The following FER variants were observed in gnomAD, a reference collection of about 807,000 sequenced individuals.
FER encodes tyrosine-protein kinase Fer.
In FER, 63 loss-of-function variants were observed where a neutral mutation model predicts 111.0. The observed-to-expected ratio is 0.57, with a 90% CI of 0.46 to 0.70. FER has a LOEUF of 0.70. Among genes scored for constraint, FER ranks in the 30% least tolerant of loss-of-function variants. The pLI, the probability that FER is intolerant of heterozygous loss-of-function variation, is 0.00. For missense variants in FER, 914 were observed against 954.0 expected, an observed-to-expected ratio of 0.96 and a Z score of 0.55; for synonymous variants, 327 against 313.9, an observed-to-expected ratio of 1.04 and a Z score of -0.44.
At chr5:109,125,368 A>AT (rs961493607) in intron 17 of FER, among the ~76,000 whole-genome samples, 18 of 152,204 alleles carry the variant, frequency 1.2e-4, no homozygotes, top group Admixed American at 1.2e-3. Context: ...TGATTTAAAT[A>AT]TTTTATCTAT....
At chr5:109,182,696 G>T (rs1242949892) in intron 18 of FER, among the ~76,000 whole-genome samples, 1 of 152,138 alleles carries the variant, frequency 6.6e-6, no homozygotes, top group East Asian at 1.9e-4. Context: ...ATTTTGCCAA[G>T]TAAAATTCTG....
At chr5:108,852,153 G>C (rs1762600835) in intron 5 of FER, among the ~76,000 whole-genome samples, 1 of 152,224 alleles carries the variant, frequency 6.6e-6, no homozygotes, top group Non-Finnish European at 1.5e-5. Context: ...CCTACTGCTA[G>C]AACTGTGGGG....
At chr5:109,124,976 G>T (rs901834746) in intron 17 of FER, among the ~76,000 whole-genome samples, 2 of 149,346 alleles carry the variant, frequency 1.3e-5, no homozygotes, top group Non-Finnish European at 3.0e-5. Flanking sequence ...AACCCAGGAG[G>T]CAGAGCTTGC....
At chr5:108,916,557 TATTA>T (rs1752298403) in intron 10 of FER, among the ~76,000 whole-genome samples, 1 of 152,146 alleles carries the variant, frequency 6.6e-6, no homozygotes, top group South Asian at 2.1e-4. Flanking sequence ...TTCAATTATC[TATTA>T]ATTATGTTGT....
chr5:108,886,662 T>C (rs984155746), intron 9 of FER, among the ~76,000 whole-genome samples: 5 of 151,654 alleles, frequency 3.3e-5, no homozygotes, highest in Non-Finnish European at 7.4e-5. Context: ...CTTGATCTTA[T>C]GATTTTAACA....
intron 3 of FER, among the ~76,000 whole-genome samples, chr5:108,816,656 A>T (rs1758313021): frequency 6.6e-6 from 1 of 152,114 alleles, no homozygotes; most frequent in Admixed American, 6.5e-5. Flanking sequence ...GTACAATCTC[A>T]TGGTTATTAG....
intron 17 of FER, among the ~76,000 whole-genome samples, chr5:109,171,996 G>A (rs1275870499): frequency 6.6e-6 from 1 of 152,280 alleles, no homozygotes; most frequent in Middle Eastern, 3.4e-3. Flanking sequence ...AGGTGCTGGA[G>A]AGGATGTGGA....
chr5:108,789,794 G>T (rs1381517022), intron 2 of FER, among the ~76,000 whole-genome samples: 1 of 151,778 alleles, frequency 6.6e-6, no homozygotes, highest in Non-Finnish European at 1.5e-5. Flanking sequence ...GTAGAGATGG[G>T]GTTTTGCCAT....
chr5:109,004,981 G>C (rs763565579), intron 13 of FER, among the ~76,000 whole-genome samples: 3 of 151,750 alleles, frequency 2.0e-5, no homozygotes, highest in Non-Finnish European at 4.4e-5. Context: ...CCAGGATTAA[G>C]GAACAAACTG....
intron 17 of FER, among the ~76,000 whole-genome samples, chr5:109,102,484 C>T (rs1561897167): frequency 6.6e-6 from 1 of 152,112 alleles, no homozygotes; most frequent in Non-Finnish European, 1.5e-5. Flanking sequence ...CAATTAGTCA[C>T]ATCTGCCAGG....
At chr5:109,081,665 C>A (rs571980722) in intron 16 of FER, among the ~76,000 whole-genome samples, 1 of 151,956 alleles carries the variant, frequency 6.6e-6, no homozygotes, top group Non-Finnish European at 1.5e-5. Context: ...AGTGGTAGTA[C>A]TGACTTAGCA....
chr5:108,757,560 A>G (rs868393278), intron 1 of FER, among the ~76,000 whole-genome samples: 3 of 152,192 alleles, frequency 2.0e-5, no homozygotes, highest in Non-Finnish European at 4.4e-5. Context: ...AGGTAAAAAA[A>G]AGTTAATTTG....
At chr5:109,083,063 T>G (rs1307873469) in intron 16 of FER, among the ~76,000 whole-genome samples, 3 of 152,050 alleles carry the variant, frequency 2.0e-5, no homozygotes, top group Admixed American at 6.6e-5. Context: ...ATTTGAAGAT[T>G]TCCTTTAGTG....
At chr5:108,830,151 A>G (rs1005435074) in intron 3 of FER, among the ~76,000 whole-genome samples, 3 of 152,238 alleles carry the variant, frequency 2.0e-5, no homozygotes, top group Admixed American at 2.0e-4. Context: ...GGGAGACATT[A>G]TAAGTCTTAG....
At chr5:109,000,005 T>C (rs1764513804) in intron 13 of FER, among the ~76,000 whole-genome samples, 1 of 151,584 alleles carries the variant, frequency 6.6e-6, no homozygotes, top group Non-Finnish European at 1.5e-5. Flanking sequence ...TGAAAGTATT[T>C]ATTTTGTTTC....
At chr5:108,937,524 C>T (rs1375196827) in intron 10 of FER, among the ~76,000 whole-genome samples, 1 of 151,786 alleles carries the variant, frequency 6.6e-6, no homozygotes, top group African/African-American at 2.4e-5. Context: ...GGAGAAAGTA[C>T]AGAGTGAGAA....
chr5:108,804,366 A>G (rs1435132273), intron 3 of FER, among the ~76,000 whole-genome samples: 2 of 152,108 alleles, frequency 1.3e-5, no homozygotes, highest in African/African-American at 4.8e-5. Context: ...TTCTAGTACT[A>G]TACTGTATTG....
intron 13 of FER, among the ~76,000 whole-genome samples, chr5:109,014,220 A>G (rs2149811142): frequency 6.6e-6 from 1 of 152,074 alleles, no homozygotes; most frequent in African/African-American, 2.4e-5. Flanking sequence ...TTTTAGGTCT[A>G]ACGTTTAAGT....
intron 13 of FER, among the ~76,000 whole-genome samples, chr5:108,992,911 G>GGGA (rs1252968787): frequency 6.7e-6 from 1 of 149,390 alleles, no homozygotes; most frequent in South Asian, 2.1e-4. Flanking sequence ...GGGCGGCGGG[G>GGGA]CAGAGACGCT....
Sources: gnomAD v4.1 joint callset for allele counts (sites outside exome capture counted in the v4.1 genomes callset) on GRCh38, gnomAD v4.1.1 for gene constraint, MANE v1.5 for transcripts, NCBI Gene and HGNC (gene_info 2026-07-23, HGNC 2026-07-21) for gene names.